The following CAPN5 variants were observed in gnomAD, a reference collection of about 807,000 sequenced individuals.
CAPN5 encodes the protein calpain 5.
In CAPN5, 54 loss-of-function variants were observed where a neutral mutation model predicts 73.0. That is an observed-to-expected ratio of 0.74 (90% confidence interval 0.59 to 0.93). CAPN5 has a LOEUF of 0.93. CAPN5 is among the 40% of genes least tolerant of loss of function. CAPN5 has a pLI of 0.00. For synonymous variants in CAPN5, 335 were observed against 356.9 expected (o/e 0.94, Z 0.69); for missense variants, 785 against 882.9 (o/e 0.89, Z 1.41).
intron 3 of CAPN5, among the ~76,000 whole-genome samples, chr11:77,094,588 C>T (rs1555037242): frequency 6.6e-6 from 1 of 152,220 alleles, no homozygotes; most frequent in African/African-American, 2.4e-5. Flanking sequence ...TTGCCCCTTG[C>T]TCATCCCTGC....
chr11:77,122,112 CA>C, intron 11 of CAPN5, 63 bp downstream of exon 11: 1 of 952,562 alleles, frequency 1.0e-6, no homozygotes. Flanking sequence ...CTCTCTCCAC[CA>C]GCACGGATAC....
chr11:77,074,892 C>G (rs1949952069), intron 1 of CAPN5, among the ~76,000 whole-genome samples: 1 of 152,220 alleles, frequency 6.6e-6, no homozygotes. Flanking sequence ...GGCTGGCCAC[C>G]AGGAAGAGCT....
At chr11:77,098,205 G>A (rs1555037915) in intron 3 of CAPN5, among the ~76,000 whole-genome samples, 2 of 75,728 alleles carry the variant, frequency 2.6e-5, no homozygotes, top group African/African-American at 7.6e-5. Flanking sequence ...CTCCCGGACG[G>A]GGCGGCTGGC....
At chr11:77,089,300 C>T (rs1555036104) in intron 2 of CAPN5, among the ~76,000 whole-genome samples, 1 of 152,248 alleles carries the variant, frequency 6.6e-6, no homozygotes, top group East Asian at 1.9e-4. Context: ...TACCAGCACT[C>T]TCCATGCCTG....
rs1173308317 is a variant in CAPN5 at position 77,115,535 on chromosome 11, C to T, written c.840C>T (p.Ile280=). The T allele has an allele frequency of 1.2e-6, 2 of 1,613,068 alleles. No individual in the cohort carries two copies. The highest frequency in any genetic ancestry group is 2.2e-5 in the East Asian group (1 of 44,892). Residue 280 remains isoleucine (I), a synonymous_variant, in exon 6 of 13, where the codon ATC becomes ATT. Transcript: ENST00000648180. ...AFFKSEKLDM[I]RLRNPWGERE... ...TCAAGTCAGAGAAGTTGGACATGATCCGCCTGCGCAACCCCTGGGGCGAGC... is the reference window on the plus strand; with the variant it reads ...TCAAGTCAGAGAAGTTGGACATGATTCGCCTGCGCAACCCCTGGGGCGAGC...
Position 77,120,755 on chromosome 11 carries a change from A to G in CAPN5, c.1333A>G (p.Lys445Glu), listed in dbSNP as rs199893083. The change falls in exon 10 of 13, where the codon AAG becomes GAG. Residue 445 changes from lysine (K) to glutamate (E), a missense_variant. Physicochemically the swap from Lys to Glu is moderately conservative, Grantham distance 56. Transcript: ENST00000648180. ...RQYRMHSLQH[K>E]AASSIYINSR... ...GTACCGCATGCACAGCCTGCAGCACAAGGCCGCCAGCTCCATCTACATCAA... is the reference window on the plus strand; with the variant it reads ...GTACCGCATGCACAGCCTGCAGCACGAGGCCGCCAGCTCCATCTACATCAA... 9.2e-5 allele frequency: 148 copies of G among 1,613,748 alleles called. No homozygotes were observed. The East Asian group carries it at 2.7e-3, about 30-fold the overall frequency.
chr11:77,069,227 A>T (rs1010480678), intron 1 of CAPN5, among the ~76,000 whole-genome samples: 3 of 152,166 alleles, frequency 2.0e-5, no homozygotes, highest in African/African-American at 7.2e-5. Flanking sequence ...AATGCTGCCT[A>T]TTCACAGGGA....
At chr11:77,093,000 A>T (rs562051471) in intron 2 of CAPN5, among the ~76,000 whole-genome samples, 15 of 152,312 alleles carry the variant, frequency 9.8e-5, no homozygotes, top group Admixed American at 5.9e-4. Flanking sequence ...GAAAAAAGGA[A>T]AAAAAGGAGT....
chr11:77,121,676 G>C (rs1459302811), intron 10 of CAPN5, among the ~76,000 whole-genome samples: 3 of 152,222 alleles, frequency 2.0e-5, no homozygotes, highest in Non-Finnish European at 2.9e-5. Flanking sequence ...CCAGCAGGGG[G>C]CTTGGCACAC....
chr11:77,091,552 G>C (rs774510638), intron 2 of CAPN5, among the ~76,000 whole-genome samples: 1 of 152,188 alleles, frequency 6.6e-6, no homozygotes, highest in Non-Finnish European at 1.5e-5. Flanking sequence ...GTGTCAGCAG[G>C]ATGCCTGGTA....
At chr11:77,089,965 CTCT>C (rs1950131765) in intron 2 of CAPN5, among the ~76,000 whole-genome samples, 1 of 152,206 alleles carries the variant, frequency 6.6e-6, no homozygotes, top group Admixed American at 6.5e-5. Flanking sequence ...CTCATTTCAC[CTCT>C]TCTTGTGTGG....
intron 2 of CAPN5, chr11:77,088,023 T>A: frequency 6.5e-7 from 1 of 1,535,888 alleles, no homozygotes; most frequent in East Asian, 2.4e-5. Context: ...GCCTGGGAGC[T>A]CAGGGTGTCC....
At chr11:77,120,014 ATTG>A (rs1950507006) in intron 9 of CAPN5, 1 of 152,202 alleles carries the variant, frequency 6.6e-6, no homozygotes, top group Admixed American at 6.5e-5. Context: ...CCCCACTGAC[ATTG>A]TTACCAGGGG....
chr11:77,068,216 G>C (rs372488799), intron 1 of CAPN5, among the ~76,000 whole-genome samples: 1 of 152,130 alleles, frequency 6.6e-6, no homozygotes, highest in African/African-American at 2.4e-5. Flanking sequence ...GGGTGGTGTG[G>C]CTGCCTTTGC....
At position 77,115,507 on chromosome 11, in the gene CAPN5, T is replaced by C. The variant is rs568395092; in HGVS notation, c.812T>C (p.Phe271Ser). The C allele has an allele frequency of 1.5e-5, 25 of 1,613,356 alleles. No individual in the cohort carries two copies. The South Asian group carries it at 2.7e-4, about 18-fold the overall frequency. Residue 271 changes from phenylalanine (F) to serine (S), a missense_variant, in exon 6 of 13, where the codon TTC becomes TCC. Physicochemically the swap from Phe to Ser is radical, Grantham distance 155. Coordinates refer to ENST00000648180, the MANE Select transcript of CAPN5 (RefSeq NM_004055.5). ...CGCCTGGGCCACGGCCTACTGGCCT[T>C]CTTCAAGTCAGAGAAGTTGGACATG... ...KVRLGHGLLA[F>S]FKSEKLDMIR...
intron 3 of CAPN5, among the ~76,000 whole-genome samples, chr11:77,110,691 T>G (rs1227110337): frequency 2.6e-5 from 4 of 152,248 alleles, no homozygotes; most frequent in African/African-American, 9.6e-5. Flanking sequence ...ATTAGGGCAG[T>G]AGTACCTCTC....
At chr11:77,093,505 G>A (rs761474435) in intron 2 of CAPN5, among the ~76,000 whole-genome samples, 177 bp from the exon 3 acceptor site, 4 of 152,190 alleles carry the variant, frequency 2.6e-5, no homozygotes, top group Admixed American at 1.3e-4. Flanking sequence ...GGGGGCAAGC[G>A]GGGAGCAGAT....
At chr11:77,071,830 G>A in intron 1 of CAPN5, 1 of 308,496 alleles carries the variant, frequency 3.2e-6, no homozygotes, top group South Asian at 2.5e-5. Context: ...TGGAAGTGCT[G>A]CTTGCCCAGA....
Position 77,113,408 on chromosome 11 carries a change from G to A in CAPN5, c.506+611G>A, listed in dbSNP as rs116803831. Among the ~76,000 whole-genome samples, 394 of 152,332 alleles carry A rather than the reference G, an allele frequency of 2.6e-3. 2 individuals carry two copies. The highest frequency in any genetic ancestry group is 9.0e-3 in the African/African-American group (373 of 41,570). On this transcript the variant is annotated intron_variant, in intron 4 of 12. Coordinates refer to ENST00000648180, the MANE Select transcript of CAPN5 (RefSeq NM_004055.5). ...TGGGGAAGAGTGACTCGCGCAGGCC[G>A]TTGCAGGGCAGGGATACGCCTAGGC...
Sources: allele counts gnomAD v4.1 joint callset (sites outside exome capture counted in the v4.1 genomes callset), GRCh38; gene constraint gnomAD v4.1.1; transcripts MANE v1.5; gene names NCBI Gene and HGNC (gene_info 2026-07-23, HGNC 2026-07-21).